Variants in MTUS2 observed in about 807,000 individuals in gnomAD.
The protein encoded by MTUS2 is microtubule associated scaffold protein 2.
In MTUS2, 40 loss-of-function variants were observed where a neutral mutation model predicts 114.1. The observed-to-expected ratio is 0.35, with a 90% CI of 0.27 to 0.46. The LOEUF (loss-of-function observed/expected upper bound fraction) is 0.46. Among genes scored for constraint, MTUS2 ranks in the 20% least tolerant of loss-of-function variants. The pLI is 1.00. For missense variants in MTUS2, 1,679 were observed against 1,705.4 expected (o/e 0.98, Z 0.27); for synonymous variants, 688 against 672.0 (o/e 1.02, Z -0.37).
chr13:29,251,318 T>TAATAATAATAATAATAATAAA (rs1035606030), intron 5 of MTUS2, among the ~76,000 whole-genome samples: 16 of 151,224 alleles, frequency 1.1e-4, no homozygotes, highest in African/African-American at 3.9e-4. Flanking sequence ...ATAATAATAA[T>TAATAATAATAATAATAATAAA]AAATGCCTAC....
At chr13:29,213,240 G>A (rs368207834) in intron 5 of MTUS2, among the ~76,000 whole-genome samples, 6 of 152,162 alleles carry the variant, frequency 3.9e-5, no homozygotes, top group South Asian at 4.2e-4. Flanking sequence ...TAAATTTATC[G>A]AGCCTTGTTT....
chr13:28,911,266 C>T (rs1593293847), intron 2 of MTUS2, among the ~76,000 whole-genome samples: 1 of 150,016 alleles, frequency 6.7e-6, no homozygotes, highest in African/African-American at 2.5e-5. Flanking sequence ...ACGTCCACCT[C>T]CTGGTTTCAA....
intron 6 of MTUS2, among the ~76,000 whole-genome samples, chr13:29,309,480 G>A (rs180951398): frequency 1.3e-5 from 2 of 152,150 alleles, no homozygotes; most frequent in African/African-American, 2.4e-5. Context: ...AATGGATGCC[G>A]GGCTTAATAC....
chr13:29,370,433 C>T (rs971787747), intron 8 of MTUS2, among the ~76,000 whole-genome samples: 2 of 151,580 alleles, frequency 1.3e-5, no homozygotes, highest in African/African-American at 2.4e-5. Context: ...TGAATAGCCT[C>T]TGCACTCCAG....
intron 4 of MTUS2, among the ~76,000 whole-genome samples, chr13:29,066,554 G>A (rs1356518949): frequency 6.6e-6 from 1 of 152,190 alleles, no homozygotes; most frequent in African/African-American, 2.4e-5. Context: ...TGACATGGCT[G>A]TGTTTCACTA....
chr13:29,312,792 A>G (rs943888199), intron 6 of MTUS2, among the ~76,000 whole-genome samples: 4 of 152,226 alleles, frequency 2.6e-5, no homozygotes, highest in Non-Finnish European at 4.4e-5. Flanking sequence ...CTACAAATCC[A>G]TCATATTCAG....
At position 29,025,815 on chromosome 13, in the gene MTUS2, G is replaced by A; in HGVS notation, c.1117G>A (p.Val373Met). ...LLNSDLHHLG[V>M]GRGNCEEKRG... is the part of the protein sequence containing the mutation. The stretch of plus-strand genomic sequence containing the variant: ...GAACAGTGACCTCCACCACCTTGGG[G>A]TGGGAAGAGGCAACTGTGAAGAGAA... Residue 373 changes from valine to methionine, a missense_variant, in exon 3 of 16, where the codon GTG becomes ATG. Physicochemically the swap from Val to Met is conservative, Grantham distance 21. Transcript: ENST00000612955. 6.2e-7 allele frequency: 1 copy of A among 1,613,952 alleles called. No individual in the cohort carries two copies. Among genetic ancestry groups the A allele is most frequent in the Non-Finnish European group, 8.5e-7 (1 of 1,179,868 alleles).
chr13:29,462,516 G>C (rs900301004), intron 9 of MTUS2, among the ~76,000 whole-genome samples: 3 of 152,176 alleles, frequency 2.0e-5, no homozygotes, highest in Non-Finnish European at 4.4e-5. Context: ...AGCCAGGGTG[G>C]TGGTGGTGAG....
chr13:29,479,964 C>A, intron 9 of MTUS2, 186 bp from the exon 10 acceptor site: 1 of 536,768 alleles, frequency 1.9e-6, no homozygotes, highest in Non-Finnish European at 3.3e-6. Context: ...TCTCAACATC[C>A]AGGGTCTGTT....
intron 4 of MTUS2, among the ~76,000 whole-genome samples, chr13:29,071,441 T>TTTG (rs1888931135): frequency 1.9e-5 from 1 of 52,174 alleles, no homozygotes; most frequent in African/African-American, 5.9e-5. Context: ...TTTTTTTTTT[T>TTTG]TTGAGACAGA....
intron 4 of MTUS2, among the ~76,000 whole-genome samples, chr13:29,074,356 T>A (rs2138702168): frequency 6.6e-6 from 1 of 152,348 alleles, no homozygotes; most frequent in African/African-American, 2.4e-5. Context: ...TCCCCTCTCC[T>A]GTGTGCTCCC....
rs1054475129 is a variant in MTUS2 at position 29,100,013 on chromosome 13, C to T, written c.2447-760C>T. Among the ~76,000 whole-genome samples the T allele has an allele frequency of 2.6e-5, 4 of 152,264 alleles. No individual in the cohort carries two copies. In the East Asian group the frequency reaches 7.7e-4, roughly 29 times the overall value. On this transcript the variant is annotated intron_variant, in intron 4 of 15. Transcript: ENST00000612955. The stretch of plus-strand genomic sequence containing the variant: ...CTGGGAACTAATTCTGAAGTTTGGA[C>T]TAACATAACAGATAGTGTAAAAAGG...
At position 29,216,428 on chromosome 13, in the gene MTUS2, G is replaced by C. The variant is rs1343905813; in HGVS notation, c.2645-65276G>C. On this transcript the variant is annotated intron_variant, in intron 5 of 15. Coordinates refer to ENST00000612955, the MANE Select transcript of MTUS2 (RefSeq NM_001033602.4). ...TCCAGGTGCCACTGGGATACGAAAA[G>C]AAACTCCCGCAGCTAGCTCGGTGTC... 5.3e-5 allele frequency among the ~76,000 whole-genome samples: 8 copies of C among 152,178 alleles called. No homozygotes were observed. In the East Asian group the frequency reaches 1.5e-3, roughly 29 times the overall value.
chr13:29,340,099 A>G (rs1433321372), intron 7 of MTUS2, among the ~76,000 whole-genome samples: 2 of 152,242 alleles, frequency 1.3e-5, no homozygotes, highest in Non-Finnish European at 2.9e-5. Flanking sequence ...CTCTGGCCAT[A>G]GGGTTCCGCA....
chr13:29,218,156 A>G (rs1227233843), intron 5 of MTUS2, among the ~76,000 whole-genome samples: 1 of 152,160 alleles, frequency 6.6e-6, no homozygotes, highest in East Asian at 1.9e-4. Context: ...AAAACAAAAA[A>G]AAAACACCTA....
chr13:29,121,160 T>G (rs574325255), intron 5 of MTUS2, among the ~76,000 whole-genome samples: 1 of 152,202 alleles, frequency 6.6e-6, no homozygotes, highest in Non-Finnish European at 1.5e-5. Flanking sequence ...TAAATCTCAC[T>G]TATCCCTAAG....
intron 4 of MTUS2, among the ~76,000 whole-genome samples, chr13:29,055,649 C>G (rs975743447): frequency 6.6e-6 from 1 of 152,020 alleles, no homozygotes; most frequent in African/African-American, 2.4e-5. Flanking sequence ...AGGAAATGAT[C>G]TCGTTCTTTT....
chr13:29,212,527 C>A (rs1895487394), intron 5 of MTUS2, among the ~76,000 whole-genome samples: 1 of 152,216 alleles, frequency 6.6e-6, no homozygotes, highest in African/African-American at 2.4e-5. Context: ...TAGGTGCCAA[C>A]TACAAGTAGT....
intron 4 of MTUS2, among the ~76,000 whole-genome samples, chr13:29,078,687 A>G (rs1411655142): frequency 1.3e-5 from 2 of 152,270 alleles, no homozygotes; most frequent in Middle Eastern, 3.4e-3. Flanking sequence ...TTTTGTCTCT[A>G]TTTTGGGCAT....
Sources: gnomAD v4.1 joint callset for allele counts (sites outside exome capture counted in the v4.1 genomes callset) on GRCh38, gnomAD v4.1.1 for gene constraint, MANE v1.5 for transcripts, NCBI Gene and HGNC (gene_info 2026-07-23, HGNC 2026-07-21) for gene names.